The following DHRS9 variants were observed in gnomAD, a reference collection of about 807,000 sequenced individuals.
DHRS9 encodes dehydrogenase/reductase 9, also known as dehydrogenase/reductase SDR family member 9.
Under a neutral mutation model 26.6 loss-of-function variants are expected in DHRS9, and 18 were observed. The observed-to-expected ratio is 0.68, with a 90% CI of 0.47 to 1.00. The LOEUF (loss-of-function observed/expected upper bound fraction) is 1.00. DHRS9 is among the 50% of genes least tolerant of loss of function. The pLI is 0.00. For synonymous variants in DHRS9, 134 were observed against 141.1 expected, an observed-to-expected ratio of 0.95 and a Z score of 0.36; for missense variants, 425 against 378.7, an observed-to-expected ratio of 1.12 and a Z score of -1.01.
chr2:169,075,347 G>A (rs1053160243), intron 1 of DHRS9, among the ~76,000 whole-genome samples: 1 of 152,004 alleles, frequency 6.6e-6, no homozygotes, highest in Non-Finnish European at 1.5e-5. Context: ...ATACATAGGT[G>A]CATGTGTGGT....
At chr2:169,067,090 G>T (rs1683664623), upstream of DHRS9, 1 of 1,530,944 alleles carries the variant, frequency 6.5e-7, no homozygotes, top group South Asian at 1.2e-5. Flanking sequence ...GCAGCTTATA[G>T]TCGTTCAGAG....
At chr2:169,072,557 T>C (rs143076430) in intron 1 of DHRS9, 1 of 959,490 alleles carries the variant, frequency 1.0e-6, no homozygotes, top group East Asian at 1.2e-4. Context: ...AATAATCCTA[T>C]TTTAACTTTT....
chr2:169,067,308 C>G (rs1364768633), upstream of DHRS9: 1 of 1,532,112 alleles, frequency 6.5e-7, no homozygotes, highest in African/African-American at 1.4e-5. Context: ...TTAGAATGAT[C>G]TGTGACTTAG....
chr2:169,069,536 A>G, upstream of DHRS9: 1 of 985,380 alleles, frequency 1.0e-6, no homozygotes, highest in Non-Finnish European at 1.2e-6. Flanking sequence ...GCAAGGAGAG[A>G]ACCTGAGGAT....
At chr2:169,069,062 A>G (rs929097945), upstream of DHRS9, among the ~76,000 whole-genome samples, 5 of 152,134 alleles carry the variant, frequency 3.3e-5, no homozygotes, top group African/African-American at 9.7e-5. Flanking sequence ...TAAAACATAA[A>G]TTAAGACCCA....
At chr2:169,075,963 G>A (rs1437454051) in intron 1 of DHRS9, among the ~76,000 whole-genome samples, 1 of 152,154 alleles carries the variant, frequency 6.6e-6, no homozygotes, top group Non-Finnish European at 1.5e-5. Flanking sequence ...ATGACAGGGA[G>A]ATTCTTTGAG....
At chr2:169,079,069 A>G (rs10166126) in intron 1 of DHRS9, among the ~76,000 whole-genome samples, 2 of 151,904 alleles carry the variant, frequency 1.3e-5, no homozygotes, top group Non-Finnish European at 2.9e-5. Context: ...GACTGGTCTC[A>G]AACTCCAGAC....
intron 1 of DHRS9, among the ~76,000 whole-genome samples, chr2:169,080,008 A>AGAAG (rs1684127589): frequency 9.1e-6 from 1 of 109,360 alleles, no homozygotes; most frequent in Non-Finnish European, 2.0e-5. Flanking sequence ...AAAGAAAGAA[A>AGAAG]GAAAGAAAGA....
chr2:169,067,542 A>G (rs897329867), upstream of DHRS9, among the ~76,000 whole-genome samples: 5 of 152,104 alleles, frequency 3.3e-5, no homozygotes, highest in Admixed American at 6.6e-5. Context: ...CTTACATTCC[A>G]CCTACAAACA....
In DHRS9 at chr2:169,069,730, A is replaced by T; in HGVS notation, c.-60+13A>T. Reference sequence around the variant, plus strand: ...CATCTTTAATAAGGTAACTGATGACAGTTTTGTCATTTATTCTTTTATTTA... The same window carrying T: ...CATCTTTAATAAGGTAACTGATGACTGTTTTGTCATTTATTCTTTTATTTA... On this transcript the variant is annotated intron_variant, in intron 1 of 4. Transcript: ENST00000674881. The T allele has an allele frequency of 2.0e-6, 2 of 985,442 alleles. No homozygotes were observed. Among genetic ancestry groups the T allele is most frequent in the Non-Finnish European group, 2.4e-6 (2 of 829,928 alleles). The allele number at this position is 985,442 out of a possible 1,614,324, so 61.0% of individuals were successfully genotyped here.
At chr2:169,080,417 T>C (rs1684147299) in intron 1 of DHRS9, among the ~76,000 whole-genome samples, 1 of 152,226 alleles carries the variant, frequency 6.6e-6, no homozygotes. Flanking sequence ...GCCCCATCAC[T>C]GAGTGTGGAG....
chr2:169,067,247 C>A (rs1256258165), upstream of DHRS9: 1 of 1,535,500 alleles, frequency 6.5e-7, no homozygotes, highest in Admixed American at 2.0e-5. Context: ...AAGTTGGACC[C>A]ACCACAGCCT....
chr2:169,081,233 A>AGCTGG (rs1437466436), intron 1 of DHRS9: 6 of 955,802 alleles, frequency 6.3e-6, no homozygotes, highest in Non-Finnish European at 8.0e-6. Flanking sequence ...ACATAGCTCC[A>AGCTGG]GCTGGCCGTG....
At chr2:169,087,529 C>G (rs1684390133) in intron 3 of DHRS9, among the ~76,000 whole-genome samples, 1 of 152,154 alleles carries the variant, frequency 6.6e-6, no homozygotes, top group South Asian at 2.1e-4. Context: ...CTCCTTTACT[C>G]TTCCGTCTCC....
intron 1 of DHRS9, among the ~76,000 whole-genome samples, chr2:169,080,148 C>T (rs1462237987): frequency 2.0e-5 from 3 of 152,150 alleles, no homozygotes; most frequent in South Asian, 4.1e-4. Context: ...CCCACAAGTT[C>T]TGAACTTCAA....
chr2:169,086,053 C>A (rs1372023492), intron 3 of DHRS9, among the ~76,000 whole-genome samples: 1 of 152,054 alleles, frequency 6.6e-6, no homozygotes, highest in African/African-American at 2.4e-5. Context: ...TTGGGAAGTT[C>A]TCTGTTGAAT....
At chr2:169,092,206 T>G (rs542856713) in intron 4 of DHRS9, among the ~76,000 whole-genome samples, 1 of 152,280 alleles carries the variant, frequency 6.6e-6, no homozygotes, top group African/African-American at 2.4e-5. Context: ...TCAAAAACTA[T>G]TAGAGTAATG....
rs1684256413 is a variant in DHRS9 at position 169,083,500 on chromosome 2, T to C, written c.485T>C (p.Val162Ala). 3.7e-6 allele frequency: 6 copies of C among 1,613,940 alleles called. No individual in the cohort carries two copies. The East Asian group carries it at 1.3e-4, about 36-fold the overall frequency. ...VKKAQGRVINVSSVGGRLAIV... is the reference protein window; with the variant it reads ...VKKAQGRVINASSVGGRLAIV... ...AAAGCTCAAGGGAGAGTTATTAATG[T>C]CTCCAGTGTTGGAGGTCGCCTTGCA... Residue 162 changes from valine to alanine, a missense_variant, in exon 3 of 5, where the codon GTC (valine) becomes GCC (alanine). Transcript: ENST00000674881.
chr2:169,090,569 A>G (rs773899168), intron 3 of DHRS9, among the ~76,000 whole-genome samples: 1 of 152,256 alleles, frequency 6.6e-6, no homozygotes, highest in South Asian at 2.1e-4. Context: ...AGAACCTAAG[A>G]AAAAATAAAT....
Sources: allele counts gnomAD v4.1 joint callset (sites outside exome capture counted in the v4.1 genomes callset), GRCh38; gene constraint gnomAD v4.1.1; transcripts MANE v1.5; gene names NCBI Gene and HGNC (gene_info 2026-07-23, HGNC 2026-07-21).